Variants in TENM2 observed in about 807,000 individuals in gnomAD.
TENM2 encodes teneurin-2.
A neutral mutation model predicts 245.2 loss-of-function variants in TENM2; 52 were observed. The observed-to-expected ratio is 0.21, with a 90% CI of 0.17 to 0.27. TENM2 has a LOEUF of 0.27. Among genes scored for constraint, TENM2 ranks in the 10% least tolerant of loss-of-function variants. TENM2 has a pLI of 1.00. For missense variants in TENM2, 3,046 were observed against 3,666.8 expected (o/e 0.83, Z 4.37); for synonymous variants, 1,363 against 1,438.9 (o/e 0.95, Z 1.19).
At chr5:167,531,636 C>A (rs1771508435) in intron 2 of TENM2, among the ~76,000 whole-genome samples, 1 of 152,106 alleles carries the variant, frequency 6.6e-6, no homozygotes, top group Non-Finnish European at 1.5e-5. Context: ...AGTATCTCCC[C>A]ATTCCCACCC....
chr5:168,048,794 A>T (rs1206975366), intron 6 of TENM2, among the ~76,000 whole-genome samples: 2 of 152,226 alleles, frequency 1.3e-5, no homozygotes. Context: ...CTTTTTATCC[A>T]GTCTTTAAGA....
chr5:168,069,974 G>T (rs1790843888), intron 7 of TENM2, among the ~76,000 whole-genome samples: 1 of 152,124 alleles, frequency 6.6e-6, no homozygotes, highest in Admixed American at 6.5e-5. Flanking sequence ...ATCAAAGAGG[G>T]TGATTATAAA....
chr5:167,913,945 T>G (rs897946557), intron 3 of TENM2, among the ~76,000 whole-genome samples: 16 of 152,268 alleles, frequency 1.1e-4, no homozygotes, highest in Admixed American at 2.0e-4. Context: ...TATTAAGTGC[T>G]GCTAAGAATG....
intron 2 of TENM2, among the ~76,000 whole-genome samples, chr5:167,567,327 A>G (rs1210674832): frequency 6.6e-6 from 1 of 152,180 alleles, no homozygotes; most frequent in African/African-American, 2.4e-5. Context: ...AGGGTGAAAA[A>G]TCTTTCTTAA....
chr5:168,151,731 C>A (rs558069625), intron 12 of TENM2, among the ~76,000 whole-genome samples: 41 of 152,316 alleles, frequency 2.7e-4, no homozygotes, highest in Admixed American at 2.4e-3. Context: ...ATGCAGTGGC[C>A]CCGGGCAGCA....
At chr5:167,487,748 GA>G (rs1440585946) in intron 2 of TENM2, among the ~76,000 whole-genome samples, 1 of 152,180 alleles carries the variant, frequency 6.6e-6, no homozygotes, top group Non-Finnish European at 1.5e-5. Context: ...AAAAGCTCAG[GA>G]TCATTTCCTA....
At chr5:168,026,759 TG>T (rs1486864368) in intron 5 of TENM2, among the ~76,000 whole-genome samples, 3 of 152,126 alleles carry the variant, frequency 2.0e-5, no homozygotes, top group African/African-American at 7.2e-5. Flanking sequence ...AGATAATTCT[TG>T]AATAGCCCTT....
At chr5:168,248,079 C>T (rs1335010409) in exon 27 of TENM2, 1 of 1,613,978 alleles carries the variant, frequency 6.2e-7, no homozygotes, top group South Asian at 1.1e-5. Flanking sequence ...CTGTGTTCAG[C>T]ATCAACGGCC....
chr5:167,523,565 G>T (rs966694002), intron 2 of TENM2, among the ~76,000 whole-genome samples: 9 of 152,018 alleles, frequency 5.9e-5, no homozygotes, highest in Admixed American at 1.3e-4. Context: ...CTTGATATTT[G>T]GTGTTCGCTC....
intron 12 of TENM2, 58 bp from the exon 15 acceptor site, chr5:168,162,553 T>G: frequency 1.3e-6 from 2 of 1,583,610 alleles, no homozygotes; most frequent in South Asian, 2.3e-5. Context: ...ATGGCTCCCC[T>G]GCTTCCCCAG....
At chr5:167,335,196 C>A (rs1282611386) in intron 1 of TENM2, among the ~76,000 whole-genome samples, 1 of 152,150 alleles carries the variant, frequency 6.6e-6, no homozygotes, top group Non-Finnish European at 1.5e-5. Flanking sequence ...CAGGAGCAGG[C>A]ACTTCACATG....
rs528646482 is a variant in TENM2 at position 167,735,977 on chromosome 5, G to A, written c.503-140009G>A. Among the ~76,000 whole-genome samples, 7 of 152,254 alleles carry A rather than the reference G, an allele frequency of 4.6e-5. No homozygotes were observed. In the South Asian group the frequency reaches 1.5e-3, roughly 32 times the overall value. ...GAAAATAAAGTTTTACACATTCGAT[G>A]AATGTTACCAAAGTGTATTAGTCTG... On this transcript the variant is annotated intron_variant, in intron 2 of 28. Transcript: ENST00000518659.
At chr5:167,631,282 G>A (rs982942337) in intron 2 of TENM2, among the ~76,000 whole-genome samples, 7 of 152,178 alleles carry the variant, frequency 4.6e-5, no homozygotes, top group Non-Finnish European at 8.8e-5. Context: ...GCAGGCAAAT[G>A]GGGCTATTTC....
At chr5:168,125,416 G>A (rs115639883) in intron 11 of TENM2, among the ~76,000 whole-genome samples, 1,848 of 152,242 alleles carry the variant, frequency 0.012, 41 homozygotes, top group African/African-American at 0.041. Context: ...GGGCTCCCTC[G>A]GGGTGCTGCG....
chr5:167,133,270 A>T, the TENM2 span, among the ~76,000 whole-genome samples: 1 of 152,118 alleles, frequency 6.6e-6, no homozygotes, highest in Non-Finnish European at 1.5e-5. Flanking sequence ...TACTTTTATG[A>T]TCCGGGGAGC....
intron 2 of TENM2, among the ~76,000 whole-genome samples, chr5:167,652,522 G>T: frequency 6.6e-6 from 1 of 152,036 alleles, no homozygotes; most frequent in East Asian, 1.9e-4. Flanking sequence ...CATCCCCCTT[G>T]AATCATCCCC....
At chr5:167,001,556 A>C in the TENM2 span, among the ~76,000 whole-genome samples, 72 of 151,686 alleles carry the variant, frequency 4.7e-4, 4 homozygotes, top group South Asian at 0.015. Flanking sequence ...AAAAAAAAAA[A>C]CATTAACAGT....
intron 3 of TENM2, among the ~76,000 whole-genome samples, chr5:167,914,787 A>G (rs531065387): frequency 1.3e-5 from 2 of 152,210 alleles, no homozygotes; most frequent in African/African-American, 4.8e-5. Flanking sequence ...CCTGGCCTAC[A>G]GCTGCAACAC....
At position 168,215,831 on chromosome 5, in the gene TENM2, G is replaced by A. The variant is rs1443626735; in HGVS notation, c.4078+559G>A. On this transcript the variant is annotated intron_variant, in intron 21 of 28. Coordinates refer to ENST00000518659, the Ensembl canonical transcript of TENM2. ...CTCCATGGGCCACAGTGCCAGCTGT[G>A]TGGGCTGGAGACAGAACAAAGCCCA... 2.6e-5 allele frequency among the ~76,000 whole-genome samples: 4 copies of A among 152,346 alleles called. No homozygotes were observed. The East Asian group carries it at 7.7e-4, about 29-fold the overall frequency.
Sources: gnomAD v4.1 joint callset for allele counts (sites outside exome capture counted in the v4.1 genomes callset) on GRCh38, gnomAD v4.1.1 for gene constraint, MANE v1.5 for transcripts, NCBI Gene and HGNC (gene_info 2026-07-23, HGNC 2026-07-21) for gene names.